The following SNTB1 variants were observed in gnomAD, a reference collection of about 807,000 sequenced individuals.
SNTB1 encodes beta-1-syntrophin.
Under a neutral mutation model 48.9 loss-of-function variants are expected in SNTB1, and 36 were observed. The ratio of observed to expected loss-of-function variants is 0.74; its 90% confidence interval spans 0.56 to 0.97. The LOEUF (loss-of-function observed/expected upper bound fraction) is 0.97. SNTB1 is among the 50% of genes least tolerant of loss of function. SNTB1 has a pLI of 0.00. For synonymous variants in SNTB1, 299 were observed against 294.6 expected, an observed-to-expected ratio of 1.01 and a Z score of -0.15; for missense variants, 786 against 703.4, an observed-to-expected ratio of 1.12 and a Z score of -1.33.
At chr8:120,796,300 C>G (rs967066356) in intron 1 of SNTB1, among the ~76,000 whole-genome samples, 1 of 152,002 alleles carries the variant, frequency 6.6e-6, no homozygotes, top group African/African-American at 2.4e-5. Context: ...ATAAATTACC[C>G]AGTTTCAGGT....
chr8:120,714,995 T>C (rs1300969995), intron 1 of SNTB1, among the ~76,000 whole-genome samples: 2 of 152,232 alleles, frequency 1.3e-5, no homozygotes, highest in Non-Finnish European at 2.9e-5. Flanking sequence ...ACGAGCTACA[T>C]AATAGCACAA....
intron 4 of SNTB1, among the ~76,000 whole-genome samples, chr8:120,568,537 A>C (rs772327328): frequency 6.6e-6 from 1 of 152,194 alleles, no homozygotes; most frequent in South Asian, 2.1e-4. Context: ...ATGGCATTCC[A>C]GTGAGTGTTT....
intron 3 of SNTB1, among the ~76,000 whole-genome samples, chr8:120,603,694 T>A (rs1816463150): frequency 6.6e-6 from 1 of 152,208 alleles, no homozygotes; most frequent in African/African-American, 2.4e-5. Flanking sequence ...TGTGCCCATA[T>A]GCTTTCAGGA....
At chr8:120,570,975 C>T (rs923051002) in intron 4 of SNTB1, 8 of 229,802 alleles carry the variant, frequency 3.5e-5, no homozygotes, top group Non-Finnish European at 6.8e-5. Context: ...TGCACATCAA[C>T]ACACTTTGTT....
chr8:120,560,461 C>A (rs147894953), intron 4 of SNTB1, among the ~76,000 whole-genome samples: 1 of 151,872 alleles, frequency 6.6e-6, no homozygotes, highest in East Asian at 1.9e-4. Flanking sequence ...CCAGCCTGGG[C>A]GACAGAGCGA....
intron 3 of SNTB1, among the ~76,000 whole-genome samples, chr8:120,593,526 T>C (rs1816276787): frequency 6.6e-6 from 1 of 152,090 alleles, no homozygotes; most frequent in Admixed American, 6.5e-5. Flanking sequence ...CTGTTGGTGA[T>C]GGACAAAAGG....
chr8:120,696,597 C>T (rs1218013650), intron 1 of SNTB1, among the ~76,000 whole-genome samples: 1 of 152,100 alleles, frequency 6.6e-6, no homozygotes, highest in Non-Finnish European at 1.5e-5. Flanking sequence ...ACCGAGCATC[C>T]ATGTGTCCAC....
intron 3 of SNTB1, among the ~76,000 whole-genome samples, chr8:120,613,640 T>C (rs1299958631): frequency 1.3e-5 from 2 of 152,198 alleles, no homozygotes; most frequent in African/African-American, 4.8e-5. Flanking sequence ...AATATAAGGT[T>C]TACTGACATT....
intron 1 of SNTB1, among the ~76,000 whole-genome samples, chr8:120,810,001 C>T (rs899549706): frequency 5.9e-5 from 9 of 152,148 alleles, no homozygotes; most frequent in Middle Eastern, 3.2e-3. Flanking sequence ...TGCCACGACT[C>T]GGTAAGCAGG....
At chr8:120,597,248 C>T (rs969103015) in intron 3 of SNTB1, among the ~76,000 whole-genome samples, 3 of 152,232 alleles carry the variant, frequency 2.0e-5, no homozygotes, top group African/African-American at 4.8e-5. Flanking sequence ...CCAGAGGGCA[C>T]GTGGCCCTAC....
At chr8:120,672,021 A>T (rs6469944) in intron 2 of SNTB1, among the ~76,000 whole-genome samples, 85,097 of 152,084 alleles carry the variant, frequency 0.56, 26,932 homozygotes, top group African/African-American at 0.88. Flanking sequence ...CAAGTACCCG[A>T]ACAACCTCCC....
intron 1 of SNTB1, among the ~76,000 whole-genome samples, chr8:120,702,825 C>G (rs542540419): frequency 1.3e-5 from 2 of 152,318 alleles, no homozygotes; most frequent in Admixed American, 1.3e-4. Context: ...AGCTCTGTCA[C>G]CTGCCAACTA....
chr8:120,547,609 A>C (rs60683471), intron 5 of SNTB1, among the ~76,000 whole-genome samples: 17,592 of 150,888 alleles, frequency 0.12, 1,428 homozygotes, highest in Non-Finnish European at 0.15. Context: ...AAAAAAAAAA[A>C]AAAACAACTT....
rs1445998819 is a variant in SNTB1 at position 120,538,086 on chromosome 8, C to G, written c.*791G>C. Reference sequence around the variant, plus strand: ...ACTCTCTATAAATAAAGCTGTAATTCTTGGCTATAAGACAGCAGACCTTGG... The same window carrying G: ...ACTCTCTATAAATAAAGCTGTAATTGTTGGCTATAAGACAGCAGACCTTGG... On this transcript the variant is annotated 3_prime_UTR_variant, in exon 7 of 7. Transcript: ENST00000517992. 1 of 152,308 alleles carries G rather than the reference C, an allele frequency of 6.6e-6. No homozygotes were observed. Among genetic ancestry groups the G allele is most frequent in the African/African-American group, 2.4e-5 (1 of 41,414 alleles). The allele number at this position is 152,308 out of a possible 1,614,324, so 9.4% of individuals were successfully genotyped here.
chr8:120,621,612 A>C (rs1816794554), intron 3 of SNTB1, among the ~76,000 whole-genome samples: 1 of 152,224 alleles, frequency 6.6e-6, no homozygotes, highest in Non-Finnish European at 1.5e-5. Context: ...GCATCAACAC[A>C]ATAGATCAAC....
At chr8:120,771,834 G>A (rs140867555) in intron 1 of SNTB1, among the ~76,000 whole-genome samples, 4 of 151,820 alleles carry the variant, frequency 2.6e-5, no homozygotes, top group African/African-American at 9.7e-5. Flanking sequence ...AACACATTTT[G>A]TATCTGTTTT....
At chr8:120,748,633 T>G (rs4389986) in intron 1 of SNTB1, among the ~76,000 whole-genome samples, 8 of 152,092 alleles carry the variant, frequency 5.3e-5, no homozygotes, top group Non-Finnish European at 1.2e-4. Context: ...ACTATGAACC[T>G]TCAAGGCAGA....
intron 1 of SNTB1, among the ~76,000 whole-genome samples, chr8:120,698,231 G>A (rs184225077): frequency 6.6e-6 from 1 of 152,042 alleles, no homozygotes; most frequent in East Asian, 1.9e-4. Context: ...AGGTTTTTCT[G>A]TGTTTCTTCT....
At chr8:120,810,459 G>C (rs1820405760) in intron 1 of SNTB1, among the ~76,000 whole-genome samples, 2 of 152,156 alleles carry the variant, frequency 1.3e-5, no homozygotes, top group Admixed American at 1.3e-4. Flanking sequence ...GTAGTTTCTA[G>C]GCTCTTCGCA....
Sources: gnomAD v4.1 joint callset for allele counts (sites outside exome capture counted in the v4.1 genomes callset) on GRCh38, gnomAD v4.1.1 for gene constraint, MANE v1.5 for transcripts, NCBI Gene and HGNC (gene_info 2026-07-23, HGNC 2026-07-21) for gene names.